The following EBF1 variants were observed in gnomAD, a reference collection of about 807,000 sequenced individuals.
EBF1 encodes the protein transcription factor COE1.
Under a neutral mutation model 68.4 loss-of-function variants are expected in EBF1, and 10 were observed. The observed-to-expected ratio is 0.15, with a 90% CI of 0.09 to 0.25. EBF1 has a LOEUF of 0.25. EBF1 is among the 10% of genes least tolerant of loss of function. The probability of loss-of-function intolerance (pLI) is 1.00; values close to 1 mark genes in which losing one functional copy is unlikely to be tolerated. For missense variants in EBF1, 509 were observed against 794.4 expected (o/e 0.64, Z 4.32); for synonymous variants, 298 against 299.8 (o/e 0.99, Z 0.06).
intron 6 of EBF1, among the ~76,000 whole-genome samples, chr5:158,914,501 C>T (rs1184513905): frequency 1.3e-5 from 2 of 152,118 alleles, no homozygotes; most frequent in African/African-American, 4.8e-5. Flanking sequence ...GGACTCCAGC[C>T]GGCAACCTTA....
intron 6 of EBF1, among the ~76,000 whole-genome samples, chr5:159,007,655 A>G (rs1363842344): frequency 6.6e-6 from 1 of 152,234 alleles, no homozygotes; most frequent in East Asian, 1.9e-4. Context: ...CCAAGTAGCC[A>G]GGGCCCCTTC....
chr5:158,992,917 C>CTTTTTTTTTTT (rs148629320), intron 6 of EBF1, among the ~76,000 whole-genome samples: 2 of 72,842 alleles, frequency 2.7e-5, no homozygotes, highest in Admixed American at 4.5e-4. Context: ...CTGTTTCTTT[C>CTTTTTTTTTTT]TTTTTTTTTT....
At chr5:158,971,724 T>C (rs542002310) in intron 6 of EBF1, among the ~76,000 whole-genome samples, 189 of 152,130 alleles carry the variant, frequency 1.2e-3, no homozygotes, top group African/African-American at 4.3e-3. Flanking sequence ...TATAAGAAGA[T>C]TTTTACTGTG....
At chr5:158,757,734 GATA>G (rs1197158417) in intron 10 of EBF1, among the ~76,000 whole-genome samples, 4 of 152,130 alleles carry the variant, frequency 2.6e-5, no homozygotes, top group Admixed American at 6.6e-5. Context: ...GTAATACAGC[GATA>G]ATAATACTAC....
chr5:158,845,097 C>T (rs764167351), intron 6 of EBF1, among the ~76,000 whole-genome samples: 18 of 152,084 alleles, frequency 1.2e-4, no homozygotes, highest in East Asian at 3.9e-4. Flanking sequence ...GCATAGTGCC[C>T]GGCGTAAGAC....
chr5:158,844,267 T>C (rs1275532061), intron 6 of EBF1, among the ~76,000 whole-genome samples: 1 of 144,024 alleles, frequency 6.9e-6, no homozygotes. Flanking sequence ...TCAGTACAAA[T>C]AATATCATCT....
At chr5:159,087,370 A>ACACACATATATATACACATATATATACC (rs1561986125) in intron 4 of EBF1, among the ~76,000 whole-genome samples, 2 of 143,248 alleles carry the variant, frequency 1.4e-5, no homozygotes, top group Admixed American at 1.4e-4. Flanking sequence ...ATATATATAC[A>ACACACATATATATACACATATATATACC]CACATATATA....
chr5:158,907,274 G>A (rs939558740), intron 6 of EBF1, among the ~76,000 whole-genome samples: 2 of 152,216 alleles, frequency 1.3e-5, no homozygotes, highest in Non-Finnish European at 2.9e-5. Context: ...CATACTCACA[G>A]GGTGGCATTA....
At chr5:158,723,467 G>A (rs1007940082) in intron 11 of EBF1, among the ~76,000 whole-genome samples, 1 of 152,006 alleles carries the variant, frequency 6.6e-6, no homozygotes, top group African/African-American at 2.4e-5. Context: ...ATTATATTTA[G>A]TTAGTGCTTA....
chr5:158,888,216 A>T (rs1800427431), intron 6 of EBF1, among the ~76,000 whole-genome samples: 1 of 152,162 alleles, frequency 6.6e-6, no homozygotes, highest in Non-Finnish European at 1.5e-5. Flanking sequence ...TGGTGAAGAA[A>T]TGAAAGAGCC....
chr5:158,795,620 C>T (rs1779476978), intron 9 of EBF1, among the ~76,000 whole-genome samples: 1 of 152,162 alleles, frequency 6.6e-6, no homozygotes, highest in Non-Finnish European at 1.5e-5. Context: ...ACTGAGAACA[C>T]AATGGCAGAT....
At chr5:158,991,423 A>G (rs1006530902) in intron 6 of EBF1, among the ~76,000 whole-genome samples, 9 of 152,242 alleles carry the variant, frequency 5.9e-5, no homozygotes, top group Non-Finnish European at 1.3e-4. Flanking sequence ...TTTAAATTAA[A>G]AAGTCTCATA....
intron 3 of EBF1, among the ~76,000 whole-genome samples, 161 bp from the exon 4 acceptor site, chr5:159,095,836 C>G (rs1389706514): frequency 6.6e-6 from 1 of 152,246 alleles, no homozygotes; most frequent in Admixed American, 6.5e-5. Flanking sequence ...CTGGAAAATA[C>G]AGCCACGATC....
chr5:158,734,712 C>T (rs138519137), intron 10 of EBF1, among the ~76,000 whole-genome samples: 42 of 151,764 alleles, frequency 2.8e-4, no homozygotes, highest in Admixed American at 1.4e-3. Context: ...GGGACAATTC[C>T]GAGAATCTGG....
At chr5:159,032,547 A>C (rs776278520) in intron 6 of EBF1, among the ~76,000 whole-genome samples, 4 of 152,200 alleles carry the variant, frequency 2.6e-5, no homozygotes, top group African/African-American at 4.8e-5. Flanking sequence ...TCTTTTCTAT[A>C]CATTGTTATT....
At chr5:158,948,477 C>T (rs1293550847) in intron 6 of EBF1, among the ~76,000 whole-genome samples, 1 of 152,106 alleles carries the variant, frequency 6.6e-6, no homozygotes, top group East Asian at 1.9e-4. Context: ...TGAGATTGCT[C>T]CTTGGGTGTG....
chr5:158,997,846 G>A (rs990966703), intron 6 of EBF1, among the ~76,000 whole-genome samples: 2 of 152,096 alleles, frequency 1.3e-5, no homozygotes, highest in Non-Finnish European at 2.9e-5. Context: ...TTCTTGCAGC[G>A]TCAAAGCACT....
At chr5:158,878,019 G>A (rs1469830699) in intron 6 of EBF1, among the ~76,000 whole-genome samples, 1 of 151,696 alleles carries the variant, frequency 6.6e-6, no homozygotes, top group East Asian at 1.9e-4. Flanking sequence ...ACTCTGTCAG[G>A]TGCTCACGTC....
intron 6 of EBF1, among the ~76,000 whole-genome samples, chr5:159,062,706 A>G (rs1776086889): frequency 1.3e-5 from 2 of 152,198 alleles, no homozygotes. Context: ...CCTTCTCCCA[A>G]ACTCTCTGAA....
Sources: gnomAD v4.1 joint callset for allele counts (sites outside exome capture counted in the v4.1 genomes callset) on GRCh38, gnomAD v4.1.1 for gene constraint, MANE v1.5 for transcripts, NCBI Gene and HGNC (gene_info 2026-07-23, HGNC 2026-07-21) for gene names.